The following ATP7A variants were observed in gnomAD, a reference collection of about 807,000 sequenced individuals.
ATP7A encodes copper-transporting ATPase 1.
Under a neutral mutation model 83.5 loss-of-function variants are expected in ATP7A, and 7 were observed. That is an observed-to-expected ratio of 0.08 (90% CI 0.05 to 0.16). The LOEUF is 0.16. Among genes scored for constraint, ATP7A ranks in the 10% least tolerant of loss-of-function variants. The probability of loss-of-function intolerance (pLI) is 1.00; values close to 1 mark genes in which losing one functional copy is unlikely to be tolerated. For missense variants in ATP7A, 940 were observed against 1,120.8 expected (o/e 0.84, Z 2.30); for synonymous variants, 354 against 395.2 (o/e 0.90, Z 1.24).
chrX:77,928,057 C>T (rs1315780324), intron 1 of ATP7A, among the ~76,000 whole-genome samples: 3 of 110,449 alleles, frequency 2.7e-5, no homozygotes, highest in African/African-American at 9.9e-5. Context: ...CTCACTGCAG[C>T]CTCAAGTGAT....
chrX:77,939,626 A>T (rs2077339872), intron 1 of ATP7A, among the ~76,000 whole-genome samples: 1 of 110,864 alleles, frequency 9.0e-6, no homozygotes, highest in East Asian at 2.8e-4. Flanking sequence ...TAGAAAATTC[A>T]TGTGTGTTAG....
At position 78,047,940 on chromosome X, in the gene ATP7A, C is replaced by A. The variant is rs1557239381; in HGVS notation, c.*1370C>A. Reference sequence around the variant, plus strand: ...ATATAATTTAATAGATTTTATTTATCTTTTAGTGTTTCAGATAACCTCTCA... The same window carrying A: ...ATATAATTTAATAGATTTTATTTATATTTTAGTGTTTCAGATAACCTCTCA... On this transcript the variant is annotated 3_prime_UTR_variant, in exon 23 of 23. Transcript: ENST00000341514. The A allele has an allele frequency of 1.8e-5, 2 of 111,757 alleles. No homozygotes were observed. The highest frequency in any genetic ancestry group is 6.5e-5 in the African/African-American group (2 of 30,706). The allele number at this position is 111,757 out of a possible 1,213,427, so 9.2% of individuals were successfully genotyped here. A position where few individuals can be genotyped will look rare whatever the true frequency, so the allele number is the denominator to read the frequency against.
intron 2 of ATP7A, among the ~76,000 whole-genome samples, chrX:77,977,516 A>G (rs1557230441): frequency 8.9e-6 from 1 of 112,387 alleles, no homozygotes; most frequent in Non-Finnish European, 1.9e-5. Context: ...CAACATATCC[A>G]TGTATAACTA....
rs188690370 is a variant in ATP7A, at chrX:78,046,725, C to A, written c.*155C>A. The stretch of plus-strand genomic sequence containing the variant: ...TGCGTTTATCTGTTGGCAAAAATAT[C>A]TTTTTCAAGGCATCAGCTCTGAACC... On this transcript the variant is annotated 3_prime_UTR_variant, in exon 23 of 23. Transcript: ENST00000341514. 4.0e-6 allele frequency: 3 copies of A among 742,743 alleles called. No homozygotes were observed. The highest frequency in any genetic ancestry group is 4.2e-5 in the African/African-American group (2 of 47,989). 61.2% of individuals were successfully genotyped at this position (742,743 alleles called of 1,213,427 possible). A position where few individuals can be genotyped will look rare whatever the true frequency, so the allele number is the denominator to read the frequency against.
chrX:78,006,603 T>C (rs1192860540), intron 6 of ATP7A, among the ~76,000 whole-genome samples: 1 of 112,104 alleles, frequency 8.9e-6, no homozygotes, highest in Non-Finnish European at 1.9e-5. Context: ...TCATCCCCAT[T>C]AAAATAAAAC....
intron 2 of ATP7A, among the ~76,000 whole-genome samples, chrX:77,973,245 C>T (rs2077558779): frequency 8.9e-6 from 1 of 112,028 alleles, no homozygotes; most frequent in Non-Finnish European, 1.9e-5. Context: ...TATTAGAACA[C>T]AGCCACACTC....
intron 7 of ATP7A, among the ~76,000 whole-genome samples, chrX:78,010,703 C>T (rs1470860860): frequency 1.9e-5 from 2 of 105,779 alleles, no homozygotes; most frequent in Admixed American, 2.1e-4. Context: ...TCTCAGCTTC[C>T]CGAGCAGCTG....
At position 77,912,210 on chromosome X, in the gene ATP7A, A is replaced by G. The variant is rs2077164354; in HGVS notation, c.-22+1375A>G. On this transcript the variant is annotated intron_variant, in intron 1 of 22. Coordinates refer to ENST00000341514, the MANE Select transcript of ATP7A (RefSeq NM_000052.7). ...AAGAAAGATACACGATTACCTAAAC[A>G]TTTAAAAAATCTCACTAACGTTATA... Among the ~76,000 whole-genome samples the G allele has an allele frequency of 2.7e-5, 3 of 111,971 alleles. No homozygotes were observed. In the Admixed American group the frequency reaches 2.9e-4, roughly 11 times the overall value.
At chrX:78,033,213 T>C (rs1278155758) in intron 16 of ATP7A, among the ~76,000 whole-genome samples, 1 of 112,127 alleles carries the variant, frequency 8.9e-6, no homozygotes, top group Non-Finnish European at 1.9e-5. Context: ...CAAGTGATTC[T>C]CCTACCTCAG....
At chrX:77,994,820 G>A (rs1013608252) in intron 4 of ATP7A, among the ~76,000 whole-genome samples, 10 of 111,690 alleles carry the variant, frequency 9.0e-5, no homozygotes, top group African/African-American at 2.6e-4. Context: ...GGGATTACAT[G>A]TTTGAGCCAC....
intron 1 of ATP7A, among the ~76,000 whole-genome samples, chrX:77,959,899 C>T (rs1327088227): frequency 1.8e-5 from 2 of 112,175 alleles, no homozygotes; most frequent in Non-Finnish European, 3.8e-5. Flanking sequence ...TACCGGCTAT[C>T]ATGAAGCAGT....
At position 78,047,399 on chromosome X, in the gene ATP7A, C is replaced by CT. The variant is rs1387757209; in HGVS notation, c.*830dup. ...CTCTGTGCTCAGTTTCAGTTCACTC[C>CT]TGCCAAGTTGGACTCTAAGTTATTC... is the stretch of plus-strand genomic sequence containing the variant. On this transcript the variant is annotated 3_prime_UTR_variant, in exon 23 of 23. Coordinates refer to ENST00000341514, the MANE Select transcript of ATP7A (RefSeq NM_000052.7). 1.8e-5 allele frequency: 2 copies of CT among 112,061 alleles called. No individual in the cohort carries two copies. The highest frequency in any genetic ancestry group is 3.8e-5 in the Non-Finnish European group (2 of 53,269). The allele number at this position is 112,061 out of a possible 1,213,427, so 9.2% of individuals were successfully genotyped here.
At chrX:78,000,010 G>T (rs1408284912) in intron 5 of ATP7A, among the ~76,000 whole-genome samples, 2 of 110,894 alleles carry the variant, frequency 1.8e-5, no homozygotes, top group Non-Finnish European at 3.8e-5. Context: ...TGATACATAT[G>T]GTTAGTCACA....
chrX:77,982,904 G>A (rs781890435), intron 2 of ATP7A, among the ~76,000 whole-genome samples: 16 of 112,205 alleles, frequency 1.4e-4, no homozygotes, highest in African/African-American at 4.8e-4. Context: ...CAACAGAAAT[G>A]TATTTCTCAC....
At chrX:78,019,550 C>A (rs1193131856) in intron 12 of ATP7A, among the ~76,000 whole-genome samples, 1 of 111,426 alleles carries the variant, frequency 9.0e-6, no homozygotes, top group Non-Finnish European at 1.9e-5. Flanking sequence ...TCATGGCAAC[C>A]TCTGCCTCCC....
intron 1 of ATP7A, chrX:77,966,792 C>A (rs1557228802): frequency 3.0e-6 from 1 of 328,938 alleles, no homozygotes; most frequent in South Asian, 2.6e-5. Flanking sequence ...TTCATTTCTT[C>A]TAAAAAAAAC....
chrX:77,918,214 G>A (rs1754303328), intron 1 of ATP7A, among the ~76,000 whole-genome samples: 1 of 109,345 alleles, frequency 9.1e-6, no homozygotes, highest in Non-Finnish European at 1.9e-5. Context: ...CCACAGGCAT[G>A]TGCCACCATG....
chrX:78,026,463 G>A (rs2077943897), intron 14 of ATP7A, among the ~76,000 whole-genome samples: 1 of 111,746 alleles, frequency 8.9e-6, no homozygotes, highest in Non-Finnish European at 1.9e-5. Context: ...TACAAAAAGA[G>A]GTAGACTGCC....
Position 77,989,401 on chromosome X carries a change from T to C in ATP7A, c.779T>C (p.Val260Ala). The change falls in exon 4 of 23, where the codon GTT becomes GCT. Residue 260 changes from valine (V) to alanine (A), a missense_variant. Val to Ala is a moderately conservative substitution (Grantham distance 64, BLOSUM62 0). This residue lies in a region of ATP7A where 350 missense variants were observed against 432.8 expected (regional missense o/e 0.81). Transcript: ENST00000341514. The stretch of plus-strand genomic sequence containing the variant: ...GTAGAACGTCTAAAGAACACACCAG[T>C]TAAATCCTCAGAAGGGTCACAGCAA... ...IDVERLKNTP[V>A]KSSEGSQQRS... 8.3e-7 allele frequency: 1 copy of C among 1,211,397 alleles called. No individual in the cohort carries two copies. The highest frequency in any genetic ancestry group is 1.1e-6 in the Non-Finnish European group (1 of 895,301).
Sources: allele counts gnomAD v4.1 joint callset (sites outside exome capture counted in the v4.1 genomes callset), GRCh38; gene constraint gnomAD v4.1.1; regional missense constraint gnomAD v4.1.1; transcripts MANE v1.5; gene names NCBI Gene and HGNC (gene_info 2026-07-23, HGNC 2026-07-21).